The following RBFOX1 variants were observed in gnomAD, a reference collection of about 807,000 sequenced individuals.
RBFOX1 encodes the protein RNA binding fox-1 homolog 1.
RBFOX1 carries 8 observed loss-of-function variants against 57.7 expected under a neutral mutation model. The ratio of observed to expected loss-of-function variants is 0.14; its 90% confidence interval spans 0.08 to 0.25. The LOEUF is 0.25. Among genes scored for constraint, RBFOX1 ranks in the 10% least tolerant of loss-of-function variants. The pLI is 1.00. For synonymous variants in RBFOX1, 326 were observed against 222.4 expected (o/e 1.47, Z -4.15); for missense variants, 611 against 548.5 (o/e 1.11, Z -1.14).
At position 6,966,769 on chromosome 16, in the gene RBFOX1, ATCTATCTATCTATCTATCTATCTGTCTG is replaced by A. The variant is rs201049989; in HGVS notation, c.-15-85284_-15-85257del. On this transcript the variant is annotated intron_variant, in intron 3 of 15. Transcript: ENST00000550418. ...CCTCTATCTGTCTGTCTGTCTATCT[ATCTATCTATCTATCTATCTATCTGTCTG>A]TCTGTCTGTCTGTCTGTCTGTCTAT... Among the ~76,000 whole-genome samples the A allele has an allele frequency of 3.3e-3, 82 of 25,130 alleles. 1 individual carries two copies. Among genetic ancestry groups the A allele is most frequent in the African/African-American group, 6.9e-3 (66 of 9,530 alleles). The allele number at this position is 25,130 out of a possible 152,430, so 16.5% of individuals were successfully genotyped here.
At chr16:7,277,707 A>G (rs1239398755) in intron 4 of RBFOX1, among the ~76,000 whole-genome samples, 1 of 152,208 alleles carries the variant, frequency 6.6e-6, no homozygotes, top group African/African-American at 2.4e-5. Context: ...AATCAAAGCC[A>G]AGGACTTCTA....
At chr16:5,567,842 C>T (rs1013296653) in intron 2 of RBFOX1, among the ~76,000 whole-genome samples, 1 of 150,240 alleles carries the variant, frequency 6.7e-6, no homozygotes, top group Non-Finnish European at 1.5e-5. Context: ...TTCGTTAATC[C>T]CCACGACTTT....
intron 3 of RBFOX1, among the ~76,000 whole-genome samples, chr16:7,003,841 A>G (rs563677199): frequency 4.2e-4 from 64 of 152,328 alleles, no homozygotes; most frequent in African/African-American, 1.5e-3. Context: ...TATAAATTGC[A>G]AAGACTCACT....
intron 2 of RBFOX1, among the ~76,000 whole-genome samples, chr16:6,620,827 G>C (rs1438535781): frequency 6.6e-6 from 1 of 152,188 alleles, no homozygotes; most frequent in Non-Finnish European, 1.5e-5. Flanking sequence ...TTACTTTCAA[G>C]CACGTTCTCA....
At chr16:6,071,058 C>T (rs954298036) in intron 1 of RBFOX1, among the ~76,000 whole-genome samples, 5 of 152,142 alleles carry the variant, frequency 3.3e-5, no homozygotes, top group Non-Finnish European at 7.3e-5. Context: ...TGCGGTGGTT[C>T]ATGCCTGTAA....
chr16:6,155,456 G>A (rs776915642), intron 1 of RBFOX1, among the ~76,000 whole-genome samples: 1 of 152,170 alleles, frequency 6.6e-6, no homozygotes, highest in Non-Finnish European at 1.5e-5. Context: ...TTATGATCCG[G>A]AAGGTAGATT....
At chr16:7,436,125 A>G (rs1196914705) in intron 4 of RBFOX1, among the ~76,000 whole-genome samples, 1 of 152,202 alleles carries the variant, frequency 6.6e-6, no homozygotes, top group African/African-American at 2.4e-5. Flanking sequence ...TTTTTGGAGG[A>G]CAGATTGGAA....
chr16:5,818,583 T>C (rs1252686687), intron 3 of RBFOX1, among the ~76,000 whole-genome samples: 1 of 152,182 alleles, frequency 6.6e-6, no homozygotes. Flanking sequence ...TTAATAAGCA[T>C]TTTTTGAACA....
intron 2 of RBFOX1, among the ~76,000 whole-genome samples, chr16:5,551,852 C>G (rs1032028636): frequency 4.7e-5 from 7 of 150,326 alleles, no homozygotes; most frequent in Non-Finnish European, 8.9e-5. Context: ...CATGTGTTCT[C>G]GTTGTTCAAC....
At chr16:6,014,969 C>T (rs568372001), upstream of RBFOX1, among the ~76,000 whole-genome samples, 69 of 152,076 alleles carry the variant, frequency 4.5e-4, no homozygotes, top group Non-Finnish European at 7.9e-4. Flanking sequence ...AATCCCCCCA[C>T]CTCAGCCTCC....
intron 1 of RBFOX1, among the ~76,000 whole-genome samples, chr16:6,226,958 A>AG (rs1324653694): frequency 1.3e-5 from 2 of 151,430 alleles, no homozygotes; most frequent in African/African-American, 4.9e-5. Context: ...AAAAAAAAAA[A>AG]AAAAAAAATA....
chr16:6,008,644 A>G (rs2094941552), intron 4 of RBFOX1, among the ~76,000 whole-genome samples: 1 of 152,138 alleles, frequency 6.6e-6, no homozygotes. Context: ...TTGAAGATGG[A>G]GCAGAGGGAA....
At chr16:6,718,247 T>C (rs947628625) in intron 3 of RBFOX1, among the ~76,000 whole-genome samples, 1 of 152,208 alleles carries the variant, frequency 6.6e-6, no homozygotes, top group African/African-American at 2.4e-5. Context: ...CTTTTCCATA[T>C]GGTAGGTATG....
At chr16:7,004,038 C>T (rs890952328) in intron 3 of RBFOX1, 5 of 149,952 alleles carry the variant, frequency 3.3e-5, no homozygotes, top group African/African-American at 1.2e-4. Context: ...AATTTGCGTG[C>T]CATCTTTGCA....
rs2066076102 is a variant in RBFOX1 at position 7,117,103 on chromosome 16, A to T, written c.27+65005A>T. 3.9e-5 allele frequency among the ~76,000 whole-genome samples: 6 copies of T among 152,318 alleles called. No homozygotes were observed. In the South Asian group the frequency reaches 1.2e-3, roughly 32 times the overall value. Reference sequence around the variant, plus strand: ...GCAGCTAAAATAATGATATATCTGCAAAACTGGAAGCAGTTCAGTAGGGTT... The same window carrying T: ...GCAGCTAAAATAATGATATATCTGCTAAACTGGAAGCAGTTCAGTAGGGTT... On this transcript the variant is annotated intron_variant, in intron 4 of 15. Transcript: ENST00000550418.
intron 4 of RBFOX1, among the ~76,000 whole-genome samples, chr16:7,362,796 A>C (rs139968982): frequency 2.0e-5 from 3 of 152,062 alleles, no homozygotes; most frequent in Admixed American, 1.3e-4. Context: ...GTGCATTTCA[A>C]GTGTTCACTG....
intron 3 of RBFOX1, among the ~76,000 whole-genome samples, chr16:6,828,749 G>A (rs756631113): frequency 1.3e-5 from 2 of 151,996 alleles, no homozygotes; most frequent in African/African-American, 2.4e-5. Flanking sequence ...AGCATATCAC[G>A]AGGTCCTAGG....
chr16:6,698,768 C>T (rs947650489), intron 3 of RBFOX1, among the ~76,000 whole-genome samples: 17 of 152,136 alleles, frequency 1.1e-4, no homozygotes, highest in Non-Finnish European at 1.6e-4. Flanking sequence ...TCCTCCCCCA[C>T]GGTTTGACTT....
At chr16:6,046,799 T>C (rs942137752) in intron 1 of RBFOX1, among the ~76,000 whole-genome samples, 1 of 152,108 alleles carries the variant, frequency 6.6e-6, no homozygotes, top group Non-Finnish European at 1.5e-5. Flanking sequence ...CCAAAGTCAG[T>C]GTGATTTGAA....
Sources: allele counts gnomAD v4.1 joint callset (sites outside exome capture counted in the v4.1 genomes callset), GRCh38; gene constraint gnomAD v4.1.1; transcripts MANE v1.5; gene names NCBI Gene and HGNC (gene_info 2026-07-23, HGNC 2026-07-21).